DYM: variants seen among roughly 807,000 people sequenced by gnomAD.
The protein encoded by DYM is dyggve-Melchior-Clausen syndrome protein.
DYM carries 78 observed loss-of-function variants against 93.1 expected under a neutral mutation model. That is an observed-to-expected ratio of 0.84 (90% CI 0.70 to 1.01). The LOEUF (loss-of-function observed/expected upper bound fraction) is 1.01, where lower values mean the gene tolerates loss of function less well. DYM is among the 50% of genes least tolerant of loss of function. The probability of loss-of-function intolerance (pLI) is 0.00; values close to 1 mark genes in which losing one functional copy is unlikely to be tolerated. For synonymous variants in DYM, 321 were observed against 319.7 expected (o/e 1.00, Z -0.04); for missense variants, 789 against 845.0 (o/e 0.93, Z 0.82).
intron 16 of DYM, among the ~76,000 whole-genome samples, chr18:49,105,063 A>G (rs2080639905): frequency 6.6e-6 from 1 of 152,174 alleles, no homozygotes; most frequent in Non-Finnish European, 1.5e-5. Flanking sequence ...TTGGTAAGCT[A>G]TTAATTATTG....
intron 15 of DYM, among the ~76,000 whole-genome samples, chr18:49,129,271 C>T (rs558513086): frequency 5.9e-5 from 9 of 152,178 alleles, no homozygotes; most frequent in South Asian, 2.1e-4. Context: ...CTCTAGGTCA[C>T]GTGTGTACAC....
chr18:49,402,061 A>C (rs948683998), intron 2 of DYM, among the ~76,000 whole-genome samples: 2 of 151,950 alleles, frequency 1.3e-5, no homozygotes, highest in Non-Finnish European at 2.9e-5. Flanking sequence ...AAATGTTCAC[A>C]ACTATAGAGG....
At chr18:49,067,468 A>T (rs2076550584) in intron 17 of DYM, among the ~76,000 whole-genome samples, 1 of 136,614 alleles carries the variant, frequency 7.3e-6, no homozygotes, top group Non-Finnish European at 1.6e-5. Context: ...GAAGTTTGGT[A>T]GGAGAAGGAG....
At chr18:49,350,200 A>C (rs1050696810) in intron 6 of DYM, among the ~76,000 whole-genome samples, 1 of 152,228 alleles carries the variant, frequency 6.6e-6, no homozygotes, top group Non-Finnish European at 1.5e-5. Context: ...ATTTATGTAC[A>C]TGAATATTCA....
intron 15 of DYM, among the ~76,000 whole-genome samples, chr18:49,162,321 G>A (rs2087256421): frequency 6.6e-6 from 1 of 152,136 alleles, no homozygotes; most frequent in Non-Finnish European, 1.5e-5. Context: ...AGGCTGGGAA[G>A]GCCATGGTCA....
At chr18:49,199,386 A>C (rs973004540) in intron 14 of DYM, among the ~76,000 whole-genome samples, 1 of 152,236 alleles carries the variant, frequency 6.6e-6, no homozygotes, top group Non-Finnish European at 1.5e-5. Context: ...ATTAAATAAA[A>C]AAATTTATCT....
rs201074754 is a variant in DYM at position 49,430,243 on chromosome 18, G to A, written c.140+12C>T. 3.2e-4 allele frequency: 513 copies of A among 1,613,122 alleles called. 2 individuals are homozygous for A. Among genetic ancestry groups the A allele is most frequent in the Non-Finnish European group, 4.2e-4 (491 of 1,179,660 alleles). ...CTCTATTCAAATTTTCAATCTCCAGGCAATCTCTTACCTGCTAGTTGGTGC... is the reference window on the plus strand; with the variant it reads ...CTCTATTCAAATTTTCAATCTCCAGACAATCTCTTACCTGCTAGTTGGTGC... On this transcript the variant is annotated intron_variant, in intron 2 of 17. Transcript: ENST00000675505.
chr18:49,229,651 T>G (rs1195952262), intron 13 of DYM, among the ~76,000 whole-genome samples: 1 of 152,156 alleles, frequency 6.6e-6, no homozygotes, highest in Non-Finnish European at 1.5e-5. Context: ...ACTAGAACTG[T>G]CATATATTGT....
chr18:49,285,239 A>G (rs1444613321), intron 9 of DYM, among the ~76,000 whole-genome samples: 2 of 152,240 alleles, frequency 1.3e-5, no homozygotes, highest in African/African-American at 2.4e-5. Context: ...TAATACCAGA[A>G]TTGGCAGAGG....
Position 49,204,569 on chromosome 18 carries a change from G to C in DYM, c.1625+4982C>G, listed in dbSNP as rs138112875. Among the ~76,000 whole-genome samples, 3 of 152,254 alleles carry C rather than the reference G, an allele frequency of 2.0e-5. No homozygotes were observed. The East Asian group carries it at 5.8e-4, about 29-fold the overall frequency. On this transcript the variant is annotated intron_variant, in intron 14 of 17. Transcript: ENST00000675505. ...CTCCACCCTGAAACCTAAGAAATTA[G>C]AACTTAAAATTGGACGTGGAACTCT...
At chr18:49,126,496 T>A (rs542272016) in intron 15 of DYM, 13 of 152,356 alleles carry the variant, frequency 8.5e-5, no homozygotes, top group Middle Eastern at 3.4e-3. Flanking sequence ...AAAAGCATTA[T>A]TGGGTTATAA....
At chr18:49,054,697 A>C (rs1245401589) in intron 17 of DYM, among the ~76,000 whole-genome samples, 1 of 152,256 alleles carries the variant, frequency 6.6e-6, no homozygotes, top group East Asian at 1.9e-4. Flanking sequence ...GGCTGGCGAC[A>C]CAGAGGGACT....
intron 6 of DYM, among the ~76,000 whole-genome samples, chr18:49,337,025 G>A (rs2063722475): frequency 6.6e-6 from 1 of 152,130 alleles, no homozygotes; most frequent in Admixed American, 6.5e-5. Context: ...GTACTCAATG[G>A]ATAAATAAAT....
chr18:49,386,503 C>A (rs1481057657), intron 3 of DYM, among the ~76,000 whole-genome samples: 1 of 152,098 alleles, frequency 6.6e-6, no homozygotes, highest in Non-Finnish European at 1.5e-5. Context: ...ACCTATAACC[C>A]CAGTCTAAGC....
chr18:49,256,545 G>A (rs1056030381), intron 13 of DYM, among the ~76,000 whole-genome samples: 1 of 152,140 alleles, frequency 6.6e-6, no homozygotes, highest in African/African-American at 2.4e-5. Flanking sequence ...CTAAACTAGA[G>A]AATTTTAAAA....
intron 16 of DYM, among the ~76,000 whole-genome samples, chr18:49,105,134 T>C (rs1363164095): frequency 1.3e-5 from 2 of 152,190 alleles, no homozygotes; most frequent in Non-Finnish European, 2.9e-5. Flanking sequence ...TGGTTTAGTC[T>C]TGGGAGGGTG....
At chr18:49,439,826 ACT>A (rs1347595314) in intron 1 of DYM, among the ~76,000 whole-genome samples, 3 of 151,806 alleles carry the variant, frequency 2.0e-5, no homozygotes, top group East Asian at 3.9e-4. Context: ...ACAAAGCAAA[ACT>A]CTGTCTCTAC....
At chr18:49,419,282 C>T (rs1257163955) in intron 2 of DYM, among the ~76,000 whole-genome samples, 3 of 152,088 alleles carry the variant, frequency 2.0e-5, no homozygotes, top group Non-Finnish European at 4.4e-5. Flanking sequence ...TTGCTTGAAC[C>T]TGGGAGGCGG....
chr18:49,148,494 G>A (rs1178374176), intron 15 of DYM, among the ~76,000 whole-genome samples: 1 of 152,026 alleles, frequency 6.6e-6, no homozygotes, highest in Non-Finnish European at 1.5e-5. Context: ...CCAGGCTCAA[G>A]ATATTCTCCT....
Sources: gnomAD v4.1 joint callset for allele counts (sites outside exome capture counted in the v4.1 genomes callset) on GRCh38, gnomAD v4.1.1 for gene constraint, MANE v1.5 for transcripts, NCBI Gene and HGNC (gene_info 2026-07-23, HGNC 2026-07-21) for gene names.